Variants in SLC26A3 observed in about 807,000 individuals in gnomAD.
The protein encoded by SLC26A3 is solute carrier family 26 member 3, also known as chloride anion exchanger.
In SLC26A3, 64 loss-of-function variants were observed where a neutral mutation model predicts 85.6. The observed-to-expected ratio is 0.75, with a 90% confidence interval of 0.61 to 0.92. SLC26A3 has a LOEUF of 0.92. Among genes scored for constraint, SLC26A3 ranks in the 40% least tolerant of loss-of-function variants. The pLI, the probability that SLC26A3 is intolerant of heterozygous loss-of-function variation, is 0.00. For missense variants in SLC26A3, 922 were observed against 927.3 expected (o/e 0.99, Z 0.07); for synonymous variants, 349 against 336.0 (o/e 1.04, Z -0.42).
chr7:107,792,115 A>G (rs535454820), intron 3 of SLC26A3, among the ~76,000 whole-genome samples, 175 bp from the exon 4 acceptor site: 264 of 152,342 alleles, frequency 1.7e-3, no homozygotes, highest in African/African-American at 6.3e-3. Flanking sequence ...AGAAGAAAGC[A>G]TAGGTATAAA....
At chr7:107,792,600 A>G (rs539670246) in intron 3 of SLC26A3, among the ~76,000 whole-genome samples, 2 of 152,242 alleles carry the variant, frequency 1.3e-5, no homozygotes, top group African/African-American at 4.8e-5. Context: ...GGCTGTAAAT[A>G]CAGGTGAGGC....
At chr7:107,783,180 G>T in intron 9 of SLC26A3, 25 bp downstream of exon 9, 1 of 1,614,080 alleles carries the variant, frequency 6.2e-7, no homozygotes, top group Non-Finnish European at 8.5e-7. Context: ...TGCCCAGTGA[G>T]ACCCAGTGTA....
chr7:107,783,664 A>T (rs1056596623), intron 8 of SLC26A3, among the ~76,000 whole-genome samples: 3 of 152,236 alleles, frequency 2.0e-5, no homozygotes, highest in African/African-American at 7.2e-5. Flanking sequence ...AATGTCTTCT[A>T]TTCCACTTGT....
At chr7:107,773,456 C>T (rs773392191) in intron 17 of SLC26A3, among the ~76,000 whole-genome samples, 13 of 152,184 alleles carry the variant, frequency 8.5e-5, no homozygotes, top group Non-Finnish European at 1.5e-4. Context: ...TTCAAGAGTC[C>T]ACTGAACACC....
At chr7:107,772,395 G>C (rs1303923753) in intron 17 of SLC26A3, among the ~76,000 whole-genome samples, 2 of 152,148 alleles carry the variant, frequency 1.3e-5, no homozygotes, top group African/African-American at 4.8e-5. Context: ...GAACAACTCT[G>C]ATTTAATTTT....
At chr7:107,774,301 C>A in intron 16 of SLC26A3, 148 bp from the exon 17 acceptor site, 1 of 720,196 alleles carries the variant, frequency 1.4e-6, no homozygotes, top group Non-Finnish European at 2.5e-6. Flanking sequence ...CCTGTCATCC[C>A]AGCACTTTAG....
At chr7:107,780,248 T>G (rs540165534) in intron 11 of SLC26A3, among the ~76,000 whole-genome samples, 12 of 152,064 alleles carry the variant, frequency 7.9e-5, no homozygotes, top group African/African-American at 2.2e-4. Context: ...ATGAAACATA[T>G]CTATCTAGTT....
chr7:107,800,141 A>G (rs1362543977), intron 1 of SLC26A3, among the ~76,000 whole-genome samples: 2 of 152,212 alleles, frequency 1.3e-5, no homozygotes, highest in African/African-American at 2.4e-5. Context: ...ATCTCTGTAC[A>G]CATGATTTCC....
intron 3 of SLC26A3, among the ~76,000 whole-genome samples, chr7:107,792,888 C>T (rs1323681583): frequency 6.6e-6 from 1 of 152,136 alleles, no homozygotes; most frequent in Non-Finnish European, 1.5e-5. Context: ...ACTTGCAACT[C>T]CACAACAAAA....
rs75528639 is a variant in SLC26A3 at position 107,782,498 on chromosome 7, C to T, written c.1311+299G>A. 1.8e-4 allele frequency among the ~76,000 whole-genome samples: 28 copies of T among 152,276 alleles called. 1 individual carries two copies. The Middle Eastern group carries it at 0.01, about 55-fold the overall frequency. On this transcript the variant is annotated intron_variant, in intron 11 of 20. Transcript: ENST00000340010. ...TAAGAAAACCTCTACTCAGTCCATG[C>T]GTGTTGAAAGTGTGGTGCCAGGGTG...
At chr7:107,778,048 G>A in intron 13 of SLC26A3, 127 bp downstream of exon 13, 2 of 726,250 alleles carry the variant, frequency 2.8e-6, no homozygotes, top group Non-Finnish European at 5.0e-6. Flanking sequence ...AGGATAAACT[G>A]CCCCATCCTG....
rs548247174 is a variant in SLC26A3, at chr7:107,801,910, T to C, written c.-89+1201A>G. ...GCCTGGCCAACATGGCGAAACCCCG[T>C]CTCTACTGAAAATACAAAAAAAAAA... On this transcript the variant is annotated intron_variant, in intron 1 of 20. Transcript: ENST00000340010. Among the ~76,000 whole-genome samples, 24 of 138,444 alleles carry C rather than the reference T, an allele frequency of 1.7e-4. No homozygotes were observed. The South Asian group carries it at 2.3e-3, about 13-fold the overall frequency. The allele number at this position is 138,444 out of a possible 152,430, so 90.8% of individuals were successfully genotyped here.
Position 107,767,617 on chromosome 7 carries a change from T to C in SLC26A3, c.2233A>G (p.Ile745Val), listed in dbSNP as rs780799182. 1.2e-6 allele frequency: 2 copies of C among 1,610,482 alleles called. No individual in the cohort carries two copies. Among genetic ancestry groups the C allele is most frequent in the East Asian group, 2.2e-5 (1 of 44,874 alleles). ...TTACGTAATCCTCCATTTGTATTTA[T>C]GGTAAAATCAATTTTTCCATCTTTT... ...QEKDGKIDFTINTNGGLRNRV... is the reference protein window; with the variant it reads ...QEKDGKIDFTVNTNGGLRNRV... Residue 745 changes from isoleucine (I) to valine (V), a missense_variant, in exon 20 of 21, where the codon ATA becomes GTA. Coordinates refer to ENST00000340010, the MANE Select transcript of SLC26A3 (RefSeq NM_000111.3).
rs777619366 is a variant in SLC26A3 at position 107,791,951 on chromosome 7, A to G, written c.272-11T>C. ...GAGCAAATGCTAAACCTGTAAACAC[A>G]CAAGCAGCAGAGCCCTTACTCTGTG... is the stretch of plus-strand genomic sequence containing the variant. On this transcript the variant is annotated splice_polypyrimidine_tract_variant and intron_variant, in intron 3 of 20. Transcript: ENST00000340010. 2.9e-5 allele frequency: 44 copies of G among 1,510,812 alleles called. No homozygotes were observed. The highest frequency in any genetic ancestry group is 3.5e-5 in the Non-Finnish European group (38 of 1,086,342). The allele number at this position is 1,510,812 out of a possible 1,614,324, so 93.6% of individuals were successfully genotyped here.
intron 11 of SLC26A3, among the ~76,000 whole-genome samples, chr7:107,780,956 C>T (rs182488574): frequency 1.7e-3 from 260 of 152,234 alleles, no homozygotes; most frequent in African/African-American, 5.9e-3. Context: ...GTACAACGGG[C>T]CTCTCCATTT....
In SLC26A3 at chr7:107,779,914, G is replaced by T. The variant is rs149747744; in HGVS notation, c.1312-151C>A. ...TTTTCCGGTGTGCGATGCCACGCAA[G>T]ACACACCAGAACTGGGACTCTGACC... On this transcript the variant is annotated intron_variant, in intron 11 of 20. Coordinates refer to ENST00000340010, the MANE Select transcript of SLC26A3 (RefSeq NM_000111.3). 16 of 704,484 alleles carry T rather than the reference G, an allele frequency of 2.3e-5. No individual in the cohort carries two copies. In the African/African-American group the frequency reaches 2.6e-4, roughly 12 times the overall value. 43.6% of individuals were successfully genotyped at this position (704,484 alleles called of 1,614,324 possible). A position where few individuals can be genotyped will look rare whatever the true frequency, so the allele number is the denominator to read the frequency against.
intron 18 of SLC26A3, among the ~76,000 whole-genome samples, chr7:107,771,403 G>C (rs972173463): frequency 1.3e-5 from 2 of 152,114 alleles, no homozygotes; most frequent in Admixed American, 1.3e-4. Flanking sequence ...TAAACATGTA[G>C]GAAATTGACT....
intron 15 of SLC26A3, among the ~76,000 whole-genome samples, chr7:107,775,845 G>A (rs553856187): frequency 3.3e-5 from 5 of 152,118 alleles, no homozygotes; most frequent in African/African-American, 7.2e-5. Context: ...CAAAAAACTC[G>A]GTAGAAAAAT....
chr7:107,775,714 C>T (rs1210673392), intron 15 of SLC26A3, among the ~76,000 whole-genome samples: 1 of 150,994 alleles, frequency 6.6e-6, no homozygotes, highest in Non-Finnish European at 1.5e-5. Flanking sequence ...AAAGCGAGAC[C>T]TTGTCTCAAA....
Sources: gnomAD v4.1 joint callset for allele counts (sites outside exome capture counted in the v4.1 genomes callset) on GRCh38, gnomAD v4.1.1 for gene constraint, MANE v1.5 for transcripts, NCBI Gene and HGNC (gene_info 2026-07-23, HGNC 2026-07-21) for gene names.